Variants in CTNNA2 observed in about 807,000 individuals in gnomAD.
CTNNA2 encodes catenin alpha-2.
In CTNNA2, 42 loss-of-function variants were observed where a neutral mutation model predicts 101.0. The observed-to-expected ratio is 0.42, with a 90% CI of 0.32 to 0.54. The LOEUF is 0.54. Among genes scored for constraint, CTNNA2 ranks in the 20% least tolerant of loss-of-function variants. The probability of loss-of-function intolerance (pLI) is 0.14; values close to 1 mark genes in which losing one functional copy is unlikely to be tolerated. For missense variants in CTNNA2, 871 were observed against 1,223.1 expected (o/e 0.71, Z 4.29); for synonymous variants, 450 against 456.4 (o/e 0.99, Z 0.18).
intron 7 of CTNNA2, among the ~76,000 whole-genome samples, chr2:80,097,119 T>C (rs972441577): frequency 6.6e-6 from 1 of 152,216 alleles, no homozygotes; most frequent in African/African-American, 2.4e-5. Flanking sequence ...CTTTACAATT[T>C]GGCATGTTTT....
intron 9 of CTNNA2, among the ~76,000 whole-genome samples, chr2:80,544,121 C>G (rs1184452801): frequency 1.3e-5 from 2 of 152,028 alleles, no homozygotes. Flanking sequence ...TGAATTCAGT[C>G]CAGCTGTTTG....
intron 8 of CTNNA2, among the ~76,000 whole-genome samples, chr2:80,418,919 C>T (rs1573994240): frequency 6.6e-6 from 1 of 152,318 alleles, no homozygotes. Flanking sequence ...ACTATGTCAT[C>T]ATAGCACCTG....
intron 7 of CTNNA2, among the ~76,000 whole-genome samples, chr2:80,024,570 G>A (rs747207525): frequency 1.2e-4 from 18 of 152,324 alleles, no homozygotes; most frequent in Non-Finnish European, 1.9e-4. Context: ...GGGGAAGCAC[G>A]CAGGTGAGCG....
intron 1 of CTNNA2, among the ~76,000 whole-genome samples, chr2:79,595,992 T>A (rs190034160): frequency 6.6e-6 from 1 of 151,510 alleles, no homozygotes; most frequent in Admixed American, 6.6e-5. Flanking sequence ...AATGCCTACA[T>A]GCTTCTATTC....
chr2:80,341,629 A>G (rs1292870889), intron 7 of CTNNA2, among the ~76,000 whole-genome samples: 1 of 152,198 alleles, frequency 6.6e-6, no homozygotes, highest in African/African-American at 2.4e-5. Flanking sequence ...GTGGGAGAGG[A>G]TATGGAGAAA....
intron 9 of CTNNA2, among the ~76,000 whole-genome samples, chr2:80,490,267 T>C (rs866000476): frequency 5.0e-5 from 4 of 79,810 alleles, no homozygotes; most frequent in South Asian, 6.5e-4. Flanking sequence ...CATTTTTTTT[T>C]CCTTCCCCCC....
At chr2:80,539,987 C>T (rs1558565413) in intron 9 of CTNNA2, among the ~76,000 whole-genome samples, 2 of 152,146 alleles carry the variant, frequency 1.3e-5, no homozygotes, top group African/African-American at 2.4e-5. Context: ...AAGTATATCC[C>T]ATAAACATTT....
chr2:80,562,558 A>G (rs1693702036), intron 12 of CTNNA2, among the ~76,000 whole-genome samples: 1 of 152,216 alleles, frequency 6.6e-6, no homozygotes, highest in South Asian at 2.1e-4. Flanking sequence ...TCAACAGAAC[A>G]TATTTAACAT....
intron 1 of CTNNA2, among the ~76,000 whole-genome samples, chr2:79,592,187 CT>C (rs756975173): frequency 6.7e-6 from 1 of 149,742 alleles, no homozygotes; most frequent in Non-Finnish European, 1.5e-5. Flanking sequence ...TTGGCACAAT[CT>C]CGGCTCACTG....
intron 7 of CTNNA2, among the ~76,000 whole-genome samples, chr2:80,392,757 A>C (rs921217489): frequency 1.3e-5 from 2 of 152,236 alleles, no homozygotes; most frequent in East Asian, 3.8e-4. Flanking sequence ...AATATGGCTT[A>C]AAAAATATTG....
chr2:79,780,156 TC>T (rs1218204733), intron 3 of CTNNA2, among the ~76,000 whole-genome samples: 3 of 152,160 alleles, frequency 2.0e-5, no homozygotes, highest in African/African-American at 7.2e-5. Context: ...AAGCCTGGCT[TC>T]CACTTGTCCT....
chr2:80,221,421 C>T (rs1009850617), intron 7 of CTNNA2, among the ~76,000 whole-genome samples: 2 of 152,084 alleles, frequency 1.3e-5, no homozygotes, highest in African/African-American at 4.8e-5. Flanking sequence ...GAAAGAAATC[C>T]CATTTCTTAC....
intron 4 of CTNNA2, among the ~76,000 whole-genome samples, chr2:79,420,659 ATAG>A (rs1678531911): frequency 1.3e-5 from 2 of 152,314 alleles, no homozygotes; most frequent in South Asian, 2.1e-4. Context: ...AATGGAGACA[ATAG>A]TAGTACCTAT....
At chr2:80,172,986 G>T (rs192254132) in intron 7 of CTNNA2, among the ~76,000 whole-genome samples, 2 of 152,284 alleles carry the variant, frequency 1.3e-5, no homozygotes, top group East Asian at 3.9e-4. Flanking sequence ...GTCCTGGGGG[G>T]TGAGTACTTT....
chr2:79,448,392 G>A (rs1396832078), intron 4 of CTNNA2, among the ~76,000 whole-genome samples: 2 of 151,970 alleles, frequency 1.3e-5, no homozygotes, highest in Admixed American at 6.6e-5. Context: ...TATGCATTAT[G>A]TTTTGATATA....
chr2:80,232,341 G>GTTGTTTTTTTT (rs1709276642), intron 7 of CTNNA2, among the ~76,000 whole-genome samples: 2 of 82,056 alleles, frequency 2.4e-5, no homozygotes, highest in Admixed American at 1.5e-4. Context: ...TTGTTTGTTT[G>GTTGTTTTTTTT]TTTGTTTTTT....
intron 4 of CTNNA2, among the ~76,000 whole-genome samples, chr2:79,383,085 T>C (rs1558654057): frequency 6.6e-6 from 1 of 152,214 alleles, no homozygotes; most frequent in Non-Finnish European, 1.5e-5. Context: ...TTTAAAAAGT[T>C]AGATATCCAA....
intron 2 of CTNNA2, among the ~76,000 whole-genome samples, chr2:79,712,961 A>C (rs1249535357): frequency 6.6e-6 from 1 of 152,242 alleles, no homozygotes; most frequent in Non-Finnish European, 1.5e-5. Flanking sequence ...GGTATGCCTA[A>C]TTAAGATGCC....
intron 17 of CTNNA2, among the ~76,000 whole-genome samples, chr2:80,608,814 T>C (rs1408668464): frequency 1.3e-5 from 2 of 151,858 alleles, no homozygotes; most frequent in Non-Finnish European, 2.9e-5. Context: ...TGTTTGAATT[T>C]AATACAGGTT....
Sources: allele counts gnomAD v4.1 joint callset (sites outside exome capture counted in the v4.1 genomes callset), GRCh38; gene constraint gnomAD v4.1.1; transcripts MANE v1.5; gene names NCBI Gene and HGNC (gene_info 2026-07-23, HGNC 2026-07-21).